VPS13B: variants seen among roughly 807,000 people sequenced by gnomAD.
The protein encoded by VPS13B is vacuolar protein sorting 13 homolog B.
In VPS13B, 285 loss-of-function variants were observed where a neutral mutation model predicts 426.4. The observed-to-expected ratio is 0.67, with a 90% CI of 0.61 to 0.74. The LOEUF is 0.74. Ranked by LOEUF, VPS13B falls within the 30% of genes least tolerant of loss-of-function variation. The pLI, the probability that VPS13B is intolerant of heterozygous loss-of-function variation, is 0.00. For synonymous variants in VPS13B, 1,676 were observed against 1,676.4 expected, an observed-to-expected ratio of 1.00 and a Z score of 0.01; for missense variants, 4,537 against 4,782.6, an observed-to-expected ratio of 0.95 and a Z score of 1.51.
chr8:99,657,237 C>T (rs1409853615), intron 34 of VPS13B, among the ~76,000 whole-genome samples: 2 of 152,134 alleles, frequency 1.3e-5, no homozygotes, highest in Non-Finnish European at 2.9e-5. Flanking sequence ...CTGCACAAAA[C>T]CCACTTCACT....
intron 17 of VPS13B, among the ~76,000 whole-genome samples, chr8:99,263,170 A>T (rs1391396245): frequency 6.6e-6 from 1 of 152,172 alleles, no homozygotes; most frequent in Admixed American, 6.5e-5. Context: ...TTTTAGAGGC[A>T]ATCATTTTTC....
At chr8:99,022,252 T>TAA (rs1421850737) in intron 2 of VPS13B, among the ~76,000 whole-genome samples, 2 of 151,714 alleles carry the variant, frequency 1.3e-5, no homozygotes, top group Non-Finnish European at 2.9e-5. Context: ...TATATATATA[T>TAA]AATGCTATAA....
In VPS13B at chr8:99,870,820, A is replaced by G. The variant is rs1817366599; in HGVS notation, c.11428A>G (p.Lys3810Glu). Residue 3810 changes from lysine to glutamate, a missense_variant, in exon 60 of 62, where the codon AAA (lysine) becomes GAA (glutamate). Coordinates refer to ENST00000357162, the MANE Select transcript of VPS13B (RefSeq NM_152564.5). ...TGGAGCTGGACTTTCTCAGCTTCCC[A>G]AACAGCGCCATCAGCCAAGTGATCT... Reference protein sequence around the residue: ...LHGAGLSQLPKQRHQPSDLHA... With the variant: ...LHGAGLSQLPEQRHQPSDLHA... 6.2e-7 allele frequency: 1 copy of G among 1,614,220 alleles called. No individual in the cohort carries two copies. The highest frequency in any genetic ancestry group is 2.2e-5 in the East Asian group (1 of 44,888).
chr8:99,674,351 C>G (rs1830837540), intron 35 of VPS13B, among the ~76,000 whole-genome samples: 1 of 152,036 alleles, frequency 6.6e-6, no homozygotes, highest in Admixed American at 6.6e-5. Context: ...TGCATTATCT[C>G]TTTTTACAGT....
intron 35 of VPS13B, among the ~76,000 whole-genome samples, chr8:99,681,912 T>G (rs557904746): frequency 2.3e-4 from 35 of 152,240 alleles, no homozygotes; most frequent in African/African-American, 7.2e-4. Context: ...AGTAACTCCC[T>G]TACCAATCCA....
intron 3 of VPS13B, among the ~76,000 whole-genome samples, chr8:99,055,714 T>C (rs1371747215): frequency 1.3e-5 from 2 of 152,002 alleles, no homozygotes; most frequent in East Asian, 3.9e-4. Context: ...ACACCACCAA[T>C]TTTGGTGAGT....
intron 35 of VPS13B, among the ~76,000 whole-genome samples, chr8:99,669,235 T>G (rs980935227): frequency 6.6e-6 from 1 of 151,796 alleles, no homozygotes. Context: ...AAAGTTTTTT[T>G]AACCATAGGA....
intron 24 of VPS13B, among the ~76,000 whole-genome samples, chr8:99,475,695 G>A (rs1179468689): frequency 2.0e-5 from 3 of 152,196 alleles, no homozygotes; most frequent in Non-Finnish European, 4.4e-5. Flanking sequence ...TCATCAGCTA[G>A]ATGGGGCTTG....
At chr8:99,383,472 T>C (rs1813941872) in intron 19 of VPS13B, among the ~76,000 whole-genome samples, 1 of 152,210 alleles carries the variant, frequency 6.6e-6, no homozygotes, top group South Asian at 2.1e-4. Flanking sequence ...AAATGTACTT[T>C]TAATGAGATG....
chr8:99,612,213 C>T (rs189682016), intron 33 of VPS13B, among the ~76,000 whole-genome samples: 226 of 152,252 alleles, frequency 1.5e-3, no homozygotes, highest in Non-Finnish European at 2.8e-3. Flanking sequence ...CTTTCCTAAA[C>T]TCTTTAAACT....
At chr8:99,613,619 ATTTCT>A (rs1184705328) in intron 33 of VPS13B, among the ~76,000 whole-genome samples, 1 of 152,174 alleles carries the variant, frequency 6.6e-6, no homozygotes, top group Non-Finnish European at 1.5e-5. Context: ...AAATGTTTTC[ATTTCT>A]TCTGTTGTTC....
intron 19 of VPS13B, among the ~76,000 whole-genome samples, chr8:99,329,355 T>A (rs1810439928): frequency 6.6e-6 from 1 of 152,100 alleles, no homozygotes; most frequent in Non-Finnish European, 1.5e-5. Context: ...TTTAGTAAAA[T>A]GAAATATTAT....
In VPS13B at chr8:99,642,310, C is replaced by T. The variant is rs913328995; in HGVS notation, c.5720C>T (p.Ala1907Val). 3.7e-6 allele frequency: 6 copies of T among 1,613,996 alleles called. No homozygotes were observed. Among genetic ancestry groups the T allele is most frequent in the Admixed American group, 1.7e-5 (1 of 59,994 alleles). Residue 1907 changes from alanine to valine, a missense_variant, in exon 34 of 62, where the codon GCA becomes GTA. By Grantham distance (64) the Ala-to-Val change is moderately conservative. This residue lies in a region of VPS13B where 4,311 missense variants were observed against 4,474.3 expected (regional missense o/e 0.96). Transcript: ENST00000357162. ...TCCACAAGGTCATCTGCTAGACAAGCACTTGGTATAACTATTGTTCGGCAG... is the reference window on the plus strand; with the variant it reads ...TCCACAAGGTCATCTGCTAGACAAGTACTTGGTATAACTATTGTTCGGCAG... ...HASTRSSARQ[A>V]LGITIVRQPG... is the part of the protein sequence containing the mutation.
At chr8:99,754,878 C>T (rs910597564) in intron 39 of VPS13B, among the ~76,000 whole-genome samples, 1 of 152,050 alleles carries the variant, frequency 6.6e-6, no homozygotes, top group African/African-American at 2.4e-5. Flanking sequence ...AAAAGGCCTC[C>T]CCCAACCCCC....
intron 33 of VPS13B, among the ~76,000 whole-genome samples, chr8:99,633,234 C>G (rs1401647239): frequency 6.6e-6 from 1 of 151,946 alleles, no homozygotes; most frequent in African/African-American, 2.4e-5. Flanking sequence ...GAAATTTCTC[C>G]AAGTTCAACT....
At chr8:99,788,907 C>T (rs1425383326) in intron 43 of VPS13B, among the ~76,000 whole-genome samples, 14 of 152,150 alleles carry the variant, frequency 9.2e-5, no homozygotes. Context: ...TTCACTCTGA[C>T]CTCACTGGTA....
chr8:99,021,896 AG>A (rs1282583928), intron 2 of VPS13B, among the ~76,000 whole-genome samples: 1 of 152,190 alleles, frequency 6.6e-6, no homozygotes, highest in African/African-American at 2.4e-5. Flanking sequence ...TACAGGCGTG[AG>A]CCCCTTATGC....
intron 19 of VPS13B, among the ~76,000 whole-genome samples, chr8:99,311,208 G>C (rs879086397): frequency 2.0e-4 from 30 of 151,828 alleles, no homozygotes; most frequent in Non-Finnish European, 1.8e-4. Flanking sequence ...TTGCCTTCTG[G>C]TAGCTCTTGA....
chr8:99,424,569 G>C (rs972375388), intron 21 of VPS13B: 16 of 152,156 alleles, frequency 1.1e-4, no homozygotes, highest in African/African-American at 3.6e-4. Context: ...AGTGTGTACA[G>C]GGAAATTGAT....
Sources: allele counts gnomAD v4.1 joint callset (sites outside exome capture counted in the v4.1 genomes callset), GRCh38; gene constraint gnomAD v4.1.1; regional missense constraint gnomAD v4.1.1; transcripts MANE v1.5; gene names NCBI Gene and HGNC (gene_info 2026-07-23, HGNC 2026-07-21).